NRXN1: variants seen among roughly 807,000 people sequenced by gnomAD.
NRXN1 encodes neurexin-1.
In NRXN1, 39 loss-of-function variants were observed where a neutral mutation model predicts 150.9. The ratio of observed to expected loss-of-function variants is 0.26; its 90% confidence interval spans 0.20 to 0.34. The LOEUF is 0.34. NRXN1 is among the 10% of genes least tolerant of loss of function. NRXN1 has a pLI of 1.00. For synonymous variants in NRXN1, 924 were observed against 757.0 expected, an observed-to-expected ratio of 1.22 and a Z score of -3.62; for missense variants, 1,815 against 1,949.9, an observed-to-expected ratio of 0.93 and a Z score of 1.30.
intron 22 of NRXN1, among the ~76,000 whole-genome samples, chr2:49,940,652 A>T (rs1049927129): frequency 2.0e-5 from 3 of 152,222 alleles, no homozygotes; most frequent in Non-Finnish European, 4.4e-5. Context: ...TAAGAATTTC[A>T]TTAGAAGCTA....
intron 18 of NRXN1, among the ~76,000 whole-genome samples, chr2:50,173,640 C>T (rs533126925): frequency 2.0e-5 from 3 of 152,248 alleles, no homozygotes; most frequent in Non-Finnish European, 4.4e-5. Flanking sequence ...ATAACGAGCC[C>T]ATTTTTATGT....
At chr2:50,851,352 A>G (rs1674494148) in intron 5 of NRXN1, among the ~76,000 whole-genome samples, 1 of 152,192 alleles carries the variant, frequency 6.6e-6, no homozygotes, top group Non-Finnish European at 1.5e-5. Context: ...AGGGACTCTC[A>G]AAGACAATAA....
intron 22 of NRXN1, among the ~76,000 whole-genome samples, chr2:49,931,402 G>C (rs1377931755): frequency 1.3e-5 from 2 of 152,002 alleles, no homozygotes; most frequent in East Asian, 3.9e-4. Flanking sequence ...AATGACTAAA[G>C]TCACTAAGCT....
intron 17 of NRXN1, among the ~76,000 whole-genome samples, chr2:50,322,910 C>A (rs2076144030): frequency 6.6e-6 from 1 of 152,100 alleles, no homozygotes; most frequent in African/African-American, 2.4e-5. Context: ...TGATCTCTCT[C>A]CTAACTGTAA....
At chr2:50,546,344 G>A (rs1191871822) in intron 9 of NRXN1, among the ~76,000 whole-genome samples, 1 of 152,134 alleles carries the variant, frequency 6.6e-6, no homozygotes, top group Non-Finnish European at 1.5e-5. Context: ...ATTTGCCCCT[G>A]TGAGTTTCTT....
chr2:50,029,190 T>C (rs1573498923), intron 21 of NRXN1, among the ~76,000 whole-genome samples: 1 of 152,280 alleles, frequency 6.6e-6, no homozygotes, highest in Middle Eastern at 3.4e-3. Context: ...AAGACAGCTA[T>C]CTGTGAAGCA....
intron 5 of NRXN1, among the ~76,000 whole-genome samples, chr2:50,742,642 C>T (rs1444904000): frequency 6.6e-6 from 1 of 151,374 alleles, no homozygotes; most frequent in Non-Finnish European, 1.5e-5. Flanking sequence ...AAACCCAAGT[C>T]TATATGATTA....
chr2:50,512,279 A>C (rs1332801779), intron 12 of NRXN1, among the ~76,000 whole-genome samples: 1 of 152,118 alleles, frequency 6.6e-6, no homozygotes, highest in Non-Finnish European at 1.5e-5. Context: ...CCAAGCCTTA[A>C]AGAGGCTCTT....
intron 17 of NRXN1, among the ~76,000 whole-genome samples, chr2:50,352,268 G>T (rs2078466167): frequency 6.6e-6 from 1 of 152,104 alleles, no homozygotes; most frequent in African/African-American, 2.4e-5. Context: ...AGATTCTGGA[G>T]AAATGGGAAA....
intron 18 of NRXN1, among the ~76,000 whole-genome samples, chr2:50,201,779 C>T (rs2062184217): frequency 6.6e-6 from 1 of 152,158 alleles, no homozygotes; most frequent in African/African-American, 2.4e-5. Context: ...TGATTGTCAC[C>T]AAGTTTCTGA....
rs554979436 is a variant in NRXN1, at chr2:51,004,019, C to T, written c.772+23483G>A. 2.6e-5 allele frequency among the ~76,000 whole-genome samples: 4 copies of T among 151,856 alleles called. No individual in the cohort carries two copies. In the South Asian group the frequency reaches 8.3e-4, roughly 31 times the overall value. On this transcript the variant is annotated intron_variant, in intron 2 of 22. Coordinates refer to ENST00000401669, the MANE Select transcript of NRXN1 (RefSeq NM_001330078.2). ...GCTCTTTATCCTGGATGTACCCTCA[C>T]TTCCTGTTTTTTGTTATTGTTGTTG...
intron 5 of NRXN1, among the ~76,000 whole-genome samples, chr2:50,775,669 T>C (rs1455984144): frequency 6.6e-6 from 1 of 152,112 alleles, no homozygotes; most frequent in Non-Finnish European, 1.5e-5. Context: ...TTGCTATCAA[T>C]TACAAACAGA....
Position 50,521,312 on chromosome 2 carries a change from C to T in NRXN1, c.2374+7313G>A, listed in dbSNP as rs549055908. 2.6e-5 allele frequency among the ~76,000 whole-genome samples: 4 copies of T among 152,204 alleles called. No homozygotes were observed. In the South Asian group the frequency reaches 6.2e-4, roughly 24 times the overall value. ...CAATAGTACTATGCATAAAATATTT[C>T]GAGTCTGTATTTAGACTGATATCCT... On this transcript the variant is annotated intron_variant, in intron 12 of 22. Coordinates refer to ENST00000401669, the MANE Select transcript of NRXN1 (RefSeq NM_001330078.2).
chr2:50,225,888 T>G (rs480327), intron 18 of NRXN1, among the ~76,000 whole-genome samples: 63,101 of 151,864 alleles, frequency 0.42, 13,267 homozygotes, highest in Middle Eastern at 0.46. Context: ...TTTATTTAAC[T>G]AGAGAAAATG....
intron 5 of NRXN1, among the ~76,000 whole-genome samples, chr2:50,656,047 A>G (rs1387552872): frequency 1.3e-5 from 2 of 151,968 alleles, no homozygotes; most frequent in Non-Finnish European, 2.9e-5. Context: ...TGTACCATCA[A>G]AATAAATCTG....
intron 17 of NRXN1, among the ~76,000 whole-genome samples, chr2:50,438,316 G>C (rs902764127): frequency 6.6e-6 from 1 of 152,198 alleles, no homozygotes; most frequent in East Asian, 1.9e-4. Flanking sequence ...GAGAAAACTA[G>C]GAGTGGGATT....
chr2:49,968,840 T>G (rs923037219), intron 21 of NRXN1, among the ~76,000 whole-genome samples: 12 of 152,080 alleles, frequency 7.9e-5, no homozygotes, highest in Non-Finnish European at 1.5e-5. Flanking sequence ...AGTGCTCCTC[T>G]AGTTTTATGC....
At chr2:50,984,269 G>A (rs1389386639) in intron 2 of NRXN1, among the ~76,000 whole-genome samples, 1 of 150,202 alleles carries the variant, frequency 6.7e-6, no homozygotes, top group Non-Finnish European at 1.5e-5. Context: ...ACAGGCATGA[G>A]CCACCAGAGT....
chr2:50,659,133 C>T (rs192717063), intron 5 of NRXN1, among the ~76,000 whole-genome samples: 1 of 152,152 alleles, frequency 6.6e-6, no homozygotes, highest in Admixed American at 6.5e-5. Flanking sequence ...GGTATGACTA[C>T]TGTTCCATCA....
Sources: gnomAD v4.1 joint callset for allele counts (sites outside exome capture counted in the v4.1 genomes callset) on GRCh38, gnomAD v4.1.1 for gene constraint, MANE v1.5 for transcripts, NCBI Gene and HGNC (gene_info 2026-07-23, HGNC 2026-07-21) for gene names.